The following UTP20 variants were observed in gnomAD, a reference collection of about 807,000 sequenced individuals.
The protein encoded by UTP20 is small subunit processome component 20 homolog.
UTP20 carries 164 observed loss-of-function variants against 329.5 expected under a neutral mutation model. The observed-to-expected ratio is 0.50, with a 90% CI of 0.44 to 0.57. UTP20 has a LOEUF of 0.57. UTP20 is among the 20% of genes least tolerant of loss of function. UTP20 has a pLI of 0.00. For missense variants in UTP20, 3,055 were observed against 3,284.2 expected, an observed-to-expected ratio of 0.93 and a Z score of 1.71; for synonymous variants, 1,151 against 1,159.3, an observed-to-expected ratio of 0.99 and a Z score of 0.14.
rs762288798 is a variant in UTP20, at chr12:101,334,487, C to T, written c.3624C>T (p.Ile1208=). The stretch of plus-strand genomic sequence containing the variant: ...CTCCTCTGCTGAAACTGATCAGTAT[C>T]TGGAGCAGAAACGCAAGGTATAACC... The part of the protein sequence containing the change: ...SPTPLLKLIS[I]WSRNARYFPL... The change falls in exon 29 of 62, where the codon ATC becomes ATT. Residue 1208 remains isoleucine, a synonymous_variant. Coordinates refer to ENST00000261637, the MANE Select transcript of UTP20 (RefSeq NM_014503.3). 6.2e-7 allele frequency: 1 copy of T among 1,611,660 alleles called. No individual in the cohort carries two copies. Among genetic ancestry groups the T allele is most frequent in the Non-Finnish European group, 8.5e-7 (1 of 1,179,808 alleles).
intron 14 of UTP20, among the ~76,000 whole-genome samples, chr12:101,301,672 T>G (rs963258587): frequency 6.6e-6 from 1 of 152,006 alleles, no homozygotes; most frequent in African/African-American, 2.4e-5. Flanking sequence ...TGTCTCAAAA[T>G]AAATAAATAA....
At chr12:101,371,005 G>A (rs1870267183) in intron 50 of UTP20, 53 bp from the exon 51 acceptor site, 10 of 1,496,006 alleles carry the variant, frequency 6.7e-6, no homozygotes, top group Middle Eastern at 1.7e-4. Flanking sequence ...CTGCTTCCAC[G>A]CATCTGCAGC....
chr12:101,378,712 C>G (rs1287766424), intron 56 of UTP20, among the ~76,000 whole-genome samples: 1 of 151,418 alleles, frequency 6.6e-6, no homozygotes, highest in African/African-American at 2.4e-5. Context: ...GGAATGAAAC[C>G]CTGTCGCAAA....
chr12:101,301,514 A>G (rs1434854538), intron 14 of UTP20, among the ~76,000 whole-genome samples: 1 of 151,890 alleles, frequency 6.6e-6, no homozygotes, highest in African/African-American at 2.4e-5. Flanking sequence ...CTAAAAATAC[A>G]AAAATTAGCT....
At chr12:101,298,667 A>G (rs1489293513) in intron 12 of UTP20, among the ~76,000 whole-genome samples, 1 of 152,166 alleles carries the variant, frequency 6.6e-6, no homozygotes, top group Non-Finnish European at 1.5e-5. Context: ...TGTTTTTTAA[A>G]GCATCTTAGT....
At chr12:101,385,544 C>G (rs1339009235) in intron 60 of UTP20, 39 bp from the exon 61 acceptor site, 1 of 1,585,354 alleles carries the variant, frequency 6.3e-7, no homozygotes, top group Non-Finnish European at 8.6e-7. Flanking sequence ...TGTGTCCTTT[C>G]CTACCTGTCT....
At chr12:101,315,245 G>T (rs557311322) in intron 21 of UTP20, among the ~76,000 whole-genome samples, 1 of 151,862 alleles carries the variant, frequency 6.6e-6, no homozygotes, top group Admixed American at 6.6e-5. Flanking sequence ...CAGCACTTTG[G>T]GGGGCCGAGG....
At chr12:101,293,267 G>T (rs775493196) in intron 11 of UTP20, 22 bp downstream of exon 11, 34 of 1,603,614 alleles carry the variant, frequency 2.1e-5, no homozygotes, top group Admixed American at 1.2e-4. Flanking sequence ...ACTAAGTTCG[G>T]AGTATTTTTA....
Position 101,341,167 on chromosome 12 carries a change from G to A in UTP20, c.4101+557G>A, listed in dbSNP as rs577120466. ...GTTTTTTTGTATTTTCAATAGGGAT[G>A]GGGTTTCACCGTGTTGGCCAGGCTG... On this transcript the variant is annotated intron_variant, in intron 32 of 61. Transcript: ENST00000261637. Among the ~76,000 whole-genome samples, 13 of 151,896 alleles carry A rather than the reference G, an allele frequency of 8.6e-5. No homozygotes were observed. The South Asian group carries it at 2.3e-3, about 27-fold the overall frequency.
chr12:101,385,483 A>G, intron 60 of UTP20, 100 bp from the exon 61 acceptor site: 2 of 1,385,650 alleles, frequency 1.4e-6, no homozygotes. Flanking sequence ...TTGCCAGATC[A>G]GTAGCTGGAT....
rs555649439 is a variant in UTP20, at chr12:101,293,047, G to A, written c.1174-121G>A. The A allele has an allele frequency of 3.4e-4, 318 of 934,302 alleles. No homozygotes were observed. In the African/African-American group the frequency reaches 4.1e-3, roughly 12 times the overall value. 57.9% of individuals were successfully genotyped at this position (934,302 alleles called of 1,614,324 possible). A position where few individuals can be genotyped will look rare whatever the true frequency, so the allele number is the denominator to read the frequency against. On this transcript the variant is annotated intron_variant, in intron 10 of 61. Coordinates refer to ENST00000261637, the MANE Select transcript of UTP20 (RefSeq NM_014503.3). ...TGTGGAAGCACCTTTGGAGAAGGCC[G>A]GGCAACTGGACAGAGCACTGAGTGA...
In UTP20 at chr12:101,291,852, T is replaced by A. The variant is rs1347771535; in HGVS notation, c.1002T>A (p.Ser334Arg). Reference sequence around the variant, plus strand: ...ACCTTATACTTGTAAAACATGGAAGTGGGACAAAGATACCCACGCCTGCTG... The same window carrying A: ...ACCTTATACTTGTAAAACATGGAAGAGGGACAAAGATACCCACGCCTGCTG... ...ETYLILVKHG[S>R]GTKIPTPADV... Residue 334 changes from serine (S) to arginine (R), a missense_variant, in exon 9 of 62, where the codon AGT becomes AGA. Transcript: ENST00000261637. The A allele has an allele frequency of 6.2e-7, 1 of 1,613,830 alleles. No homozygotes were observed. Among genetic ancestry groups the A allele is most frequent in the Non-Finnish European group, 8.5e-7 (1 of 1,179,904 alleles).
At chr12:101,369,464 TG>T (rs1387325734) in intron 48 of UTP20, among the ~76,000 whole-genome samples, 1 of 152,146 alleles carries the variant, frequency 6.6e-6, no homozygotes, top group African/African-American at 2.4e-5. Context: ...AAAAAGAATA[TG>T]GTGCCTTTTC....
chr12:101,366,037 C>A (rs1870086031), intron 46 of UTP20, among the ~76,000 whole-genome samples: 1 of 152,122 alleles, frequency 6.6e-6, no homozygotes, highest in African/African-American at 2.4e-5. Context: ...TCAAGACCAG[C>A]CTGGCCAACT....
chr12:101,294,145 C>G (rs1565786235), intron 11 of UTP20, among the ~76,000 whole-genome samples: 1 of 152,000 alleles, frequency 6.6e-6, no homozygotes, highest in Non-Finnish European at 1.5e-5. Flanking sequence ...ATGCCATTCT[C>G]CTGCCTCAGC....
At chr12:101,284,538 G>A (rs958879152) in intron 2 of UTP20, among the ~76,000 whole-genome samples, 3 of 152,142 alleles carry the variant, frequency 2.0e-5, no homozygotes, top group African/African-American at 7.2e-5. Flanking sequence ...TGTGGATAGT[G>A]TAGAGATAAA....
chr12:101,281,574 T>C (rs1475387716), intron 2 of UTP20, among the ~76,000 whole-genome samples: 1 of 152,218 alleles, frequency 6.6e-6, no homozygotes, highest in Non-Finnish European at 1.5e-5. Context: ...GCTATAACTT[T>C]AAAGTGATTT....
Position 101,290,787 on chromosome 12 carries a change from C to T in UTP20, c.790C>T (p.Leu264=). 1.2e-6 allele frequency: 2 copies of T among 1,613,832 alleles called. No individual in the cohort carries two copies. Among genetic ancestry groups the T allele is most frequent in the Non-Finnish European group, 1.7e-6 (2 of 1,179,862 alleles). Residue 264 remains leucine, a synonymous_variant, in exon 8 of 62, where the codon CTA becomes TTA. Transcript: ENST00000261637. The part of the protein sequence containing the change: ...LGPVTETETQ[L]PWMLIGETLK... ...ACCAGTCACTGAAACAGAAACTCAA[C>T]TACCATGGATGTTAATTGGAGAAAC...
At chr12:101,342,215 A>T (rs112815419) in intron 32 of UTP20, among the ~76,000 whole-genome samples, 60 of 152,326 alleles carry the variant, frequency 3.9e-4, no homozygotes, top group Non-Finnish European at 7.2e-4. Flanking sequence ...TATGTTTCAA[A>T]ACTACATATA....
Sources: allele counts gnomAD v4.1 joint callset (sites outside exome capture counted in the v4.1 genomes callset), GRCh38; gene constraint gnomAD v4.1.1; transcripts MANE v1.5; gene names NCBI Gene and HGNC (gene_info 2026-07-23, HGNC 2026-07-21).